Variants in PKP3 observed in about 807,000 individuals in gnomAD.
PKP3 encodes plakophilin-3.
In PKP3, 66 loss-of-function variants were observed where a neutral mutation model predicts 76.5. The observed-to-expected ratio is 0.86, with a 90% CI of 0.71 to 1.06. The LOEUF (loss-of-function observed/expected upper bound fraction) is 1.06. Ranked by LOEUF, PKP3 falls within the 50% of genes least tolerant of loss-of-function variation. PKP3 has a pLI of 0.00. For missense variants in PKP3, 1,338 were observed against 1,141.0 expected (o/e 1.17, Z -2.49); for synonymous variants, 638 against 516.5 (o/e 1.24, Z -3.19).
chr11:392,787 A>G, upstream of PKP3: 1 of 635,198 alleles, frequency 1.6e-6, no homozygotes, highest in East Asian at 7.6e-5. Flanking sequence ...CTTTCAGTGG[A>G]CCTTCCCCTC....
chr11:400,046 G>A lies in PKP3; in HGVS notation c.1353G>A (p.Leu451=), dbSNP rs1253363763. 2 of 1,607,432 alleles carry A rather than the reference G, an allele frequency of 1.2e-6. No homozygotes were observed. The highest frequency in any genetic ancestry group is 3.4e-5 in the Admixed American group (2 of 59,412). ...ARDTLEQLTD[L]VLSPLSGAGG... ...ACACGCTGGAGCAGCTCACAGACCT[G>A]GTGTTGAGCCCCCTGTCGGGGGCTG... The change falls in exon 6 of 13, where the codon CTG becomes CTA. Residue 451 remains leucine (L), a synonymous_variant. Coordinates refer to ENST00000331563, the MANE Select transcript of PKP3 (RefSeq NM_007183.4).
At chr11:392,619 G>A (rs1320095705), upstream of PKP3, 12 of 1,284,178 alleles carry the variant, frequency 9.3e-6, no homozygotes, top group Admixed American at 2.3e-5. Flanking sequence ...CGCACGCGCC[G>A]GGCCAGGGAT....
chr11:398,129 C>G (rs1352106798), intron 4 of PKP3, among the ~76,000 whole-genome samples: 1 of 77,118 alleles, frequency 1.3e-5, no homozygotes, highest in African/African-American at 6.1e-5. Context: ...CTCCCTACCC[C>G]CACATATACC....
upstream of PKP3, chr11:392,820 C>A: frequency 2.2e-6 from 1 of 457,960 alleles, no homozygotes; most frequent in Non-Finnish European, 4.2e-6. Flanking sequence ...CCCACGCTGA[C>A]CTCCGACTCC....
chr11:394,831 C>T (rs182530907), intron 1 of PKP3, among the ~76,000 whole-genome samples: 110 of 152,308 alleles, frequency 7.2e-4, no homozygotes, highest in Middle Eastern at 3.4e-3. Flanking sequence ...CCAGGCCACT[C>T]GGTCGGCAAA....
chr11:400,340 CAGCTCA>C lies in PKP3; in HGVS notation c.1456_1461del (p.Ser486_Ser487del). 6.5e-7 allele frequency: 1 copy of C among 1,548,772 alleles called. No homozygotes were observed. Among genetic ancestry groups the C allele is most frequent in the Non-Finnish European group, 8.7e-7 (1 of 1,146,082 alleles). ...GATCCACCTCGGTCCCCAGGAACCT[CAGCTCA>C]GCCTCTCAGGCCACTCGCCAGAAGA... On this transcript the variant is annotated inframe_deletion, in exon 7 of 13. Coordinates refer to ENST00000331563, the MANE Select transcript of PKP3 (RefSeq NM_007183.4).
intron 6 of PKP3, 46 bp from the exon 7 acceptor site, chr11:400,288 C>A: frequency 6.7e-7 from 1 of 1,487,564 alleles, no homozygotes; most frequent in Non-Finnish European, 9.1e-7. Flanking sequence ...GGGCAAGGCC[C>A]GGGATGCGGG....
rs1314751784 is a variant in PKP3, at chr11:400,450, A to T, written c.1565A>T (p.Lys522Met). 1 of 1,543,454 alleles carries T rather than the reference A, an allele frequency of 6.5e-7. No homozygotes were observed. The highest frequency in any genetic ancestry group is 8.7e-7 in the Non-Finnish European group (1 of 1,144,100). ...HALDAGKCED[K>M]SVENAVCVLR... Reference sequence around the variant, plus strand: ...CTGGACGCGGGCAAATGCGAGGACAAGGTGAGGGGCGCGGTGTGGAGGAGG... The same window carrying T: ...CTGGACGCGGGCAAATGCGAGGACATGGTGAGGGGCGCGGTGTGGAGGAGG... The change falls in exon 7 of 13, where the codon AAG (lysine) becomes ATG (methionine). Residue 522 changes from lysine (K) to methionine (M), a missense_variant and splice_region_variant. Lys to Met is a moderately conservative substitution (Grantham distance 95). Coordinates refer to ENST00000331563, the MANE Select transcript of PKP3 (RefSeq NM_007183.4).
At chr11:399,885 G>C (rs1217686005) in intron 5 of PKP3, 82 bp from the exon 6 acceptor site, 1 of 1,181,482 alleles carries the variant, frequency 8.5e-7, no homozygotes, top group African/African-American at 1.5e-5. Context: ...CCTGGGGAGA[G>C]GCGGGACCTC....
At chr11:394,069 T>G (rs369825544), upstream of PKP3, 59 of 591,816 alleles carry the variant, frequency 1.0e-4, 2 homozygotes, top group South Asian at 1.5e-3. Context: ...GGGCCTGTTC[T>G]TCCGCCCAAA....
chr11:400,158 C>T lies in PKP3; in HGVS notation c.1448+17C>T. ...CTTCCTCAGGTGCGCCAGCCTCGGG[C>T]AGCGGGGTGGGGATTGCAGGCGCGG... On this transcript the variant is annotated intron_variant, in intron 6 of 12. Coordinates refer to ENST00000331563, the MANE Select transcript of PKP3 (RefSeq NM_007183.4). The T allele has an allele frequency of 3.9e-6, 6 of 1,526,242 alleles. No individual in the cohort carries two copies. The highest frequency in any genetic ancestry group is 5.3e-6 in the Non-Finnish European group (6 of 1,139,938). 94.5% of individuals were successfully genotyped at this position (1,526,242 alleles called of 1,614,324 possible).
chr11:394,289 C>A lies in PKP3; in HGVS notation c.-4C>A. ...CCAGGCCCAGGCCCGGTGGACCTGC[C>A]GCCATGCAGGACGGTAACTTCCTGC... On this transcript the variant is annotated 5_prime_UTR_variant, in exon 1 of 13. Transcript: ENST00000331563. The A allele has an allele frequency of 1.3e-6, 2 of 1,503,234 alleles. No individual in the cohort carries two copies. The highest frequency in any genetic ancestry group is 2.5e-5 in the South Asian group (2 of 81,232). The allele number at this position is 1,503,234 out of a possible 1,614,324, so 93.1% of individuals were successfully genotyped here. A position where few individuals can be genotyped will look rare whatever the true frequency, so the allele number is the denominator to read the frequency against.
chr11:403,885 C>A (rs1047539572), intron 10 of PKP3, 58 bp from the exon 11 acceptor site: 2 of 1,561,748 alleles, frequency 1.3e-6, no homozygotes, highest in East Asian at 2.3e-5. Flanking sequence ...AGGCAGGGGA[C>A]CCCAGGTGCC....
At position 403,097 on chromosome 11, in the gene PKP3, C is replaced by G; in HGVS notation, c.1757C>G (p.Ala586Gly). The G allele has an allele frequency of 6.6e-7, 1 of 1,512,948 alleles. No homozygotes were observed. Among genetic ancestry groups the G allele is most frequent in the Non-Finnish European group, 8.8e-7 (1 of 1,131,752 alleles). The allele number at this position is 1,512,948 out of a possible 1,614,324, so 93.7% of individuals were successfully genotyped here. ...GCGCAGCTGCCCCTCGCCGCCGATG[C>G]GCTCACCTTCGCGGAGGTGTCCAAG... ...RLRELPLAAD[A>G]LTFAEVSKDP... The change falls in exon 9 of 13, where the codon GCG (alanine) becomes GGG (glycine). Residue 586 changes from alanine to glycine, a missense_variant. Physicochemically the swap from Ala to Gly is moderately conservative, Grantham distance 60. Transcript: ENST00000331563.
In PKP3 at chr11:404,173, G is replaced by C. The variant is rs752189752; in HGVS notation, c.2270+38G>C. 1 of 1,608,250 alleles carries C rather than the reference G, an allele frequency of 6.2e-7. No homozygotes were observed. Among genetic ancestry groups the C allele is most frequent in the South Asian group, 1.1e-5 (1 of 90,792 alleles). The stretch of plus-strand genomic sequence containing the variant: ...CCAGCCGTGCAGCAGCCTGGTCAGG[G>C]GTCCTCCCAGTCCACCCTGCTTTCT... On this transcript the variant is annotated intron_variant, in intron 11 of 12. Coordinates refer to ENST00000331563, the MANE Select transcript of PKP3 (RefSeq NM_007183.4). This position sits in a 1 kb window ranked among gnomAD's most constrained non-coding sequence, Gnocchi z 4.2.
rs140479964 is a variant in PKP3 at position 400,064 on chromosome 11, G to C, written c.1371G>C (p.Ser457=). 6.2e-7 allele frequency: 1 copy of C among 1,602,280 alleles called. No homozygotes were observed. The highest frequency in any genetic ancestry group is 2.2e-5 in the East Asian group (1 of 44,634). Residue 457 remains serine (S), a synonymous_variant, in exon 6 of 13, where the codon TCG becomes TCC. Coordinates refer to ENST00000331563, the MANE Select transcript of PKP3 (RefSeq NM_007183.4). ...QLTDLVLSPL[S]GAGGPPLIQQ... Reference sequence around the variant, plus strand: ...CAGACCTGGTGTTGAGCCCCCTGTCGGGGGCTGGGGGTCCCCCCCTCATCC... The same window carrying C: ...CAGACCTGGTGTTGAGCCCCCTGTCCGGGGCTGGGGGTCCCCCCCTCATCC...
intron 4 of PKP3, among the ~76,000 whole-genome samples, chr11:397,960 C>G (rs1847080726): frequency 8.3e-6 from 1 of 120,306 alleles, no homozygotes; most frequent in Non-Finnish European, 1.7e-5. Flanking sequence ...TACCCCCGCA[C>G]ACACCTCCGT....
At position 403,993 on chromosome 11, in the gene PKP3, G is replaced by A. The variant is rs144378196; in HGVS notation, c.2128G>A (p.Glu710Lys). The stretch of plus-strand genomic sequence containing the variant: ...CGAGAAGCTGCCGGGCAGCGTGGGT[G>A]AGAAGTCGCCCCCAGCCGAGGTGCT... ...LIEKLPGSVG[E>K]KSPPAEVLVN... The change falls in exon 11 of 13, where the codon GAG (glutamate) becomes AAG (lysine). Residue 710 changes from glutamate (E) to lysine (K), a missense_variant. Glu to Lys is a moderately conservative substitution (Grantham distance 56, BLOSUM62 1). Coordinates refer to ENST00000331563, the MANE Select transcript of PKP3 (RefSeq NM_007183.4). The A allele has an allele frequency of 1.2e-6, 2 of 1,610,950 alleles. No individual in the cohort carries two copies. Among genetic ancestry groups the A allele is most frequent in the African/African-American group, 1.3e-5 (1 of 74,890 alleles).
At chr11:392,795 CT>C (rs1846992562), upstream of PKP3, 1 of 640,914 alleles carries the variant, frequency 1.6e-6, no homozygotes, top group Admixed American at 2.4e-5. Context: ...GGACCTTCCC[CT>C]CCCCCTTTAA....
Sources: allele counts gnomAD v4.1 joint callset (sites outside exome capture counted in the v4.1 genomes callset), GRCh38; gene constraint gnomAD v4.1.1; non-coding constraint Gnocchi (gnomAD v3.1); transcripts MANE v1.5; gene names NCBI Gene and HGNC (gene_info 2026-07-23, HGNC 2026-07-21).